The following SHISA9 variants were observed in gnomAD, a reference collection of about 807,000 sequenced individuals.
SHISA9 encodes the protein protein shisa-9.
SHISA9 carries 13 observed loss-of-function variants against 38.0 expected under a neutral mutation model. The ratio of observed to expected loss-of-function variants is 0.34; its 90% CI spans 0.22 to 0.54. The LOEUF (loss-of-function observed/expected upper bound fraction) is 0.54, where lower values mean the gene tolerates loss of function less well. Among genes scored for constraint, SHISA9 ranks in the 20% least tolerant of loss-of-function variants. SHISA9 has a pLI of 0.91. For synonymous variants in SHISA9, 275 were observed against 242.0 expected (o/e 1.14, Z -1.27); for missense variants, 538 against 575.8 (o/e 0.93, Z 0.67).
At chr16:13,120,685 C>T (rs567064395) in intron 2 of SHISA9, among the ~76,000 whole-genome samples, 3 of 152,104 alleles carry the variant, frequency 2.0e-5, no homozygotes, top group Non-Finnish European at 4.4e-5. Context: ...GAGAAACACC[C>T]AGGATGCCCC....
Position 13,192,733 on chromosome 16 carries a change from G to A in SHISA9, c.692-10661G>A, listed in dbSNP as rs145829265. On this transcript the variant is annotated intron_variant, in intron 2 of 4. Coordinates refer to ENST00000558583, the MANE Select transcript of SHISA9 (RefSeq NM_001145204.3). ...TGCTAAAAATACAAAAAATTACCCG[G>A]GCGTGGTGGCACGCACCTGTGGTCC... 7.0e-3 allele frequency among the ~76,000 whole-genome samples: 1,058 copies of A among 152,126 alleles called. 10 individuals carry two copies. Among genetic ancestry groups the A allele is most frequent in the Admixed American group, 9.4e-3 (143 of 15,272 alleles).
intron 2 of SHISA9, among the ~76,000 whole-genome samples, chr16:13,071,046 A>T (rs866127772): frequency 1.3e-5 from 2 of 152,136 alleles, no homozygotes; most frequent in Non-Finnish European, 2.9e-5. Flanking sequence ...AGGAACTAAC[A>T]TGTTCCACCT....
chr16:13,004,856 C>G (rs1007498445), intron 2 of SHISA9, among the ~76,000 whole-genome samples: 2 of 148,558 alleles, frequency 1.3e-5, no homozygotes, highest in African/African-American at 2.5e-5. Flanking sequence ...CGCTTGAATG[C>G]GGGAGGCAGA....
chr16:13,302,315 A>G, the SHISA9 span, among the ~76,000 whole-genome samples: 1 of 152,288 alleles, frequency 6.6e-6, no homozygotes, highest in Middle Eastern at 3.4e-3. Flanking sequence ...GCATGCGTCT[A>G]TATTAGAAAG....
At chr16:13,440,023 T>C in the SHISA9 span, among the ~76,000 whole-genome samples, 1 of 152,340 alleles carries the variant, frequency 6.6e-6, no homozygotes, top group East Asian at 1.9e-4. Flanking sequence ...CAAGAGGACG[T>C]GCGTTCTGGG....
At chr16:13,005,773 G>A (rs758320476) in intron 2 of SHISA9, among the ~76,000 whole-genome samples, 28 of 152,194 alleles carry the variant, frequency 1.8e-4, no homozygotes, top group Non-Finnish European at 3.2e-4. Flanking sequence ...TAGGGGAGGA[G>A]ACATGGGAGT....
chr16:13,080,617 T>A (rs276605), intron 2 of SHISA9, among the ~76,000 whole-genome samples: 10,298 of 152,114 alleles, frequency 0.068, 1,151 homozygotes, highest in African/African-American at 0.23. Context: ...ACTGAGGAGA[T>A]GGTGTGTTTG....
chr16:13,224,311 T>G (rs1030307281), intron 4 of SHISA9, among the ~76,000 whole-genome samples: 5 of 152,100 alleles, frequency 3.3e-5, no homozygotes, highest in Non-Finnish European at 1.5e-5. Flanking sequence ...TGCTAAAGAG[T>G]ATCCAGGTCT....
chr16:13,528,786 G>A, the SHISA9 span, among the ~76,000 whole-genome samples: 3 of 152,158 alleles, frequency 2.0e-5, no homozygotes, highest in Non-Finnish European at 2.9e-5. Context: ...CTTGTAATGT[G>A]CCTACGTAGT....
the SHISA9 span, among the ~76,000 whole-genome samples, chr16:13,527,473 GAGAT>G: frequency 6.6e-6 from 1 of 152,230 alleles, no homozygotes; most frequent in Admixed American, 6.5e-5. Context: ...AAACGAGAAA[GAGAT>G]AGGAGAAAGT....
At chr16:13,051,680 A>T (rs1469258886) in intron 2 of SHISA9, among the ~76,000 whole-genome samples, 3 of 152,068 alleles carry the variant, frequency 2.0e-5, no homozygotes, top group Non-Finnish European at 4.4e-5. Flanking sequence ...GCCAGCCCAT[A>T]TTTCCAGAGT....
At chr16:13,396,523 A>C in the SHISA9 span, among the ~76,000 whole-genome samples, 98,244 of 152,012 alleles carry the variant, frequency 0.65, 32,557 homozygotes, top group African/African-American at 0.79. Flanking sequence ...AGAAATCAAT[A>C]TTAAGGGCTC....
the SHISA9 span, among the ~76,000 whole-genome samples, chr16:13,302,735 ACT>A: frequency 6.6e-6 from 1 of 151,838 alleles, no homozygotes; most frequent in African/African-American, 2.4e-5. Context: ...ATACAGTTTG[ACT>A]CTGTGTCCCC....
At chr16:13,013,107 G>A (rs2072698717) in intron 2 of SHISA9, among the ~76,000 whole-genome samples, 1 of 152,188 alleles carries the variant, frequency 6.6e-6, no homozygotes, top group Admixed American at 6.5e-5. Flanking sequence ...TCCATGATCT[G>A]TGCTAGGATC....
In SHISA9 at chr16:12,902,563, G is replaced by T; in HGVS notation, c.499G>T (p.Val167Leu). 3 of 1,551,280 alleles carry T rather than the reference G, an allele frequency of 1.9e-6. No homozygotes were observed. Among genetic ancestry groups the T allele is most frequent in the Non-Finnish European group, 2.6e-6 (3 of 1,146,990 alleles). ...CGGGGTGGTGGCCGTCATGGTGCTC[G>T]TGGGCATCTTCACCAAGCTGGGGCT... ...ICGVVAVMVL[V>L]GIFTKLGLEK... The change falls in exon 1 of 5, where the codon GTG (valine) becomes TTG (leucine). Residue 167 changes from valine (V) to leucine (L), a missense_variant. By Grantham distance (32) the Val-to-Leu change is conservative. Transcript: ENST00000558583.
At chr16:13,249,656 C>A in the SHISA9 span, among the ~76,000 whole-genome samples, 1 of 152,134 alleles carries the variant, frequency 6.6e-6, no homozygotes, top group Non-Finnish European at 1.5e-5. Flanking sequence ...TTCTCTGTGT[C>A]TGTTTTTTAC....
At chr16:13,015,466 T>C (rs2072730019) in intron 2 of SHISA9, among the ~76,000 whole-genome samples, 1 of 152,250 alleles carries the variant, frequency 6.6e-6, no homozygotes, top group Non-Finnish European at 1.5e-5. Context: ...GATCCGATGT[T>C]TGGACTCCAG....
At chr16:13,486,216 A>G in the SHISA9 span, among the ~76,000 whole-genome samples, 2 of 152,212 alleles carry the variant, frequency 1.3e-5, no homozygotes, top group Non-Finnish European at 2.9e-5. Flanking sequence ...GTATGTATGT[A>G]TGCTTTCACA....
At chr16:12,946,115 T>A (rs772710680) in intron 2 of SHISA9, among the ~76,000 whole-genome samples, 1 of 152,208 alleles carries the variant, frequency 6.6e-6, no homozygotes, top group Non-Finnish European at 1.5e-5. Context: ...CCCCATTGAT[T>A]GTTTTTGTCA....
Sources: allele counts gnomAD v4.1 joint callset (sites outside exome capture counted in the v4.1 genomes callset), GRCh38; gene constraint gnomAD v4.1.1; transcripts MANE v1.5; gene names NCBI Gene and HGNC (gene_info 2026-07-23, HGNC 2026-07-21).